ARRB1: variants seen among roughly 807,000 people sequenced by gnomAD.
The protein encoded by ARRB1 is arrestin beta 1.
ARRB1 carries 21 observed loss-of-function variants against 56.8 expected under a neutral mutation model. That is an observed-to-expected ratio of 0.37 (90% CI 0.26 to 0.53). ARRB1 has a LOEUF of 0.53. Among genes scored for constraint, ARRB1 ranks in the 20% least tolerant of loss-of-function variants. The pLI is 0.88. For missense variants in ARRB1, 424 were observed against 553.7 expected (o/e 0.77, Z 2.35); for synonymous variants, 210 against 218.6 (o/e 0.96, Z 0.35).
chr11:75,312,869 A>C (rs1947191946), intron 1 of ARRB1, among the ~76,000 whole-genome samples: 1 of 152,250 alleles, frequency 6.6e-6, no homozygotes, highest in Admixed American at 6.5e-5. Flanking sequence ...TCCCCGCTAG[A>C]GTTTCCAGAG....
At chr11:75,312,201 C>T (rs1228697352) in intron 1 of ARRB1, 16 of 1,239,390 alleles carry the variant, frequency 1.3e-5, no homozygotes, top group South Asian at 2.5e-5. Context: ...TCCCAGCAGC[C>T]GTCCCTAGGA....
intron 1 of ARRB1, among the ~76,000 whole-genome samples, chr11:75,314,789 T>G (rs1255834442): frequency 1.3e-5 from 2 of 151,344 alleles, no homozygotes; most frequent in African/African-American, 4.8e-5. Flanking sequence ...GTATTTTTTG[T>G]AGCGATGGGG....
Position 75,260,817 on chromosome 11 carries a change from A to G in ARRB1, c.*5346T>C, listed in dbSNP as rs760361316. On this transcript the variant is annotated 3_prime_UTR_variant, in exon 16 of 16. Transcript: ENST00000420843. ...TAAAGTGTCCAGGATTCCTGGGGGAATCCTGCCCTCAAAGGAGGGACTTTT... is the reference window on the plus strand; with the variant it reads ...TAAAGTGTCCAGGATTCCTGGGGGAGTCCTGCCCTCAAAGGAGGGACTTTT... The G allele has an allele frequency of 2.6e-5, 4 of 152,082 alleles. No homozygotes were observed. The highest frequency in any genetic ancestry group is 5.9e-5 in the Non-Finnish European group (4 of 68,002). The allele number at this position is 152,082 out of a possible 1,614,324, so 9.4% of individuals were successfully genotyped here.
chr11:75,318,587 G>A (rs1179689708), intron 1 of ARRB1, among the ~76,000 whole-genome samples: 1 of 152,072 alleles, frequency 6.6e-6, no homozygotes, highest in Non-Finnish European at 1.5e-5. Context: ...CTACTCAGGA[G>A]GCTGAGGCAG....
chr11:75,321,066 T>C (rs1402936669), intron 1 of ARRB1, among the ~76,000 whole-genome samples: 1 of 152,210 alleles, frequency 6.6e-6, no homozygotes, highest in Non-Finnish European at 1.5e-5. Context: ...CTATGTGTCT[T>C]GGACAAATCC....
At chr11:75,281,529 G>T in intron 6 of ARRB1, 1 of 323,170 alleles carries the variant, frequency 3.1e-6, no homozygotes. Context: ...AAGACAAGGA[G>T]GCACGTGCTG....
At chr11:75,291,960 C>T (rs931229320) in intron 1 of ARRB1, among the ~76,000 whole-genome samples, 17 of 152,084 alleles carry the variant, frequency 1.1e-4, no homozygotes, top group Admixed American at 2.0e-4. Flanking sequence ...GAAGAGAAGG[C>T]GAGTGGGTGG....
At chr11:75,294,386 G>A (rs1219529754) in intron 1 of ARRB1, among the ~76,000 whole-genome samples, 1 of 151,846 alleles carries the variant, frequency 6.6e-6, no homozygotes. Context: ...GTGAAACCCA[G>A]TCTCTACTAA....
chr11:75,327,951 T>A (rs932941109), intron 1 of ARRB1, among the ~76,000 whole-genome samples: 7 of 152,122 alleles, frequency 4.6e-5, no homozygotes, highest in Non-Finnish European at 7.3e-5. Context: ...AATAAATAAA[T>A]AAAAATAAAA....
At chr11:75,340,940 G>A (rs1947684304) in intron 1 of ARRB1, among the ~76,000 whole-genome samples, 1 of 152,264 alleles carries the variant, frequency 6.6e-6, no homozygotes, top group Non-Finnish European at 1.5e-5. Context: ...TGCTGGCCCT[G>A]GGCAATCTCA....
At position 75,349,989 on chromosome 11, in the gene ARRB1, A is replaced by G. The variant is rs555005614; in HGVS notation, c.20+1599T>C. ...CCCCTTTTGACCTTAGGCAAATCAC[A>G]TGGCCTCTAGCCCTCTGGTTCCTCT... On this transcript the variant is annotated intron_variant, in intron 1 of 15. Transcript: ENST00000420843. Among the ~76,000 whole-genome samples the G allele has an allele frequency of 8.5e-5, 13 of 152,328 alleles. No homozygotes were observed. In the East Asian group the frequency reaches 2.5e-3, roughly 29 times the overall value.
chr11:75,268,432 G>C (rs1945989582), intron 14 of ARRB1, among the ~76,000 whole-genome samples: 1 of 149,840 alleles, frequency 6.7e-6, no homozygotes, highest in Non-Finnish European at 1.5e-5. Context: ...TTGAGCCTGG[G>C]AGGCGGAGGT....
intron 1 of ARRB1, among the ~76,000 whole-genome samples, chr11:75,325,621 C>T (rs1233983494): frequency 1.3e-5 from 2 of 152,206 alleles, no homozygotes; most frequent in Non-Finnish European, 2.9e-5. Flanking sequence ...CCATGCCTGG[C>T]CCAGTTTACT....
rs989934500 is a variant in ARRB1 at position 75,277,236 on chromosome 11, G to A, written c.703+128C>T. ...CAAAAGCTTTGCCCTGTGGCTCAGA[G>A]CAGGCCCTGGGCTTCAGTGGCTATT... is the stretch of plus-strand genomic sequence containing the variant. On this transcript the variant is annotated intron_variant, in intron 9 of 15. Coordinates refer to ENST00000420843, the MANE Select transcript of ARRB1 (RefSeq NM_004041.5). 16 of 991,134 alleles carry A rather than the reference G, an allele frequency of 1.6e-5. No homozygotes were observed. The Admixed American group carries it at 3.2e-4, about 20-fold the overall frequency. 61.4% of individuals were successfully genotyped at this position (991,134 alleles called of 1,614,324 possible). A position where few individuals can be genotyped will look rare whatever the true frequency, so the allele number is the denominator to read the frequency against.
intron 1 of ARRB1, among the ~76,000 whole-genome samples, chr11:75,305,018 CTTTT>C (rs35323331): frequency 1.2e-5 from 1 of 86,744 alleles, no homozygotes; most frequent in Admixed American, 1.4e-4. Flanking sequence ...TTCTTTCTTT[CTTTT>C]TTTTTTTTTT....
At chr11:75,321,036 G>A (rs545034100) in intron 1 of ARRB1, among the ~76,000 whole-genome samples, 44 of 152,248 alleles carry the variant, frequency 2.9e-4, no homozygotes, top group African/African-American at 1.0e-3. Flanking sequence ...ACTAGTGGGG[G>A]CTAAGAGGCT....
chr11:75,312,184 C>T, intron 1 of ARRB1: 1 of 1,264,600 alleles, frequency 7.9e-7, no homozygotes, highest in Non-Finnish European at 1.0e-6. Context: ...GTGGTGAGCT[C>T]AGCCTTTCCC....
intron 1 of ARRB1, among the ~76,000 whole-genome samples, chr11:75,338,802 C>CA (rs367934969): frequency 2.0e-5 from 3 of 151,024 alleles, no homozygotes; most frequent in East Asian, 3.9e-4. Flanking sequence ...AAATCTGTTG[C>CA]AAAAAAAAAT....
At chr11:75,339,111 G>A (rs748322192) in intron 1 of ARRB1, among the ~76,000 whole-genome samples, 1 of 152,204 alleles carries the variant, frequency 6.6e-6, no homozygotes, top group Non-Finnish European at 1.5e-5. Context: ...AGCGCACATG[G>A]CCCCTGGCTG....
Sources: allele counts gnomAD v4.1 joint callset (sites outside exome capture counted in the v4.1 genomes callset), GRCh38; gene constraint gnomAD v4.1.1; transcripts MANE v1.5; gene names NCBI Gene and HGNC (gene_info 2026-07-23, HGNC 2026-07-21).